TJP1: variants seen among roughly 807,000 people sequenced by gnomAD.
TJP1 encodes the protein tight junction protein 1.
Under a neutral mutation model 194.2 loss-of-function variants are expected in TJP1, and 43 were observed. The ratio of observed to expected loss-of-function variants is 0.22; its 90% CI spans 0.17 to 0.29. The LOEUF is 0.29. TJP1 is among the 10% of genes least tolerant of loss of function. The probability of loss-of-function intolerance (pLI) is 1.00; values close to 1 mark genes in which losing one functional copy is unlikely to be tolerated. For missense variants in TJP1, 1,971 were observed against 2,185.7 expected, an observed-to-expected ratio of 0.90 and a Z score of 1.96; for synonymous variants, 801 against 779.0, an observed-to-expected ratio of 1.03 and a Z score of -0.47.
intron 2 of TJP1, among the ~76,000 whole-genome samples, chr15:29,949,924 C>CCACA: frequency 2.6e-5 from 1 of 38,606 alleles, no homozygotes; most frequent in Non-Finnish European, 4.1e-5. Flanking sequence ...CCTCCACCTT[C>CCACA]ACCACCACCA....
chr15:29,805,587 G>A (rs867205631), intron 1 of TJP1, among the ~76,000 whole-genome samples: 1 of 151,992 alleles, frequency 6.6e-6, no homozygotes, highest in Non-Finnish European at 1.5e-5. Flanking sequence ...GTGTTGGGGA[G>A]GCCAAAAAAA....
chr15:29,905,910 T>A (rs2053793204), intron 2 of TJP1, among the ~76,000 whole-genome samples: 1 of 152,194 alleles, frequency 6.6e-6, no homozygotes, highest in South Asian at 2.1e-4. Context: ...GCAGTGAAAC[T>A]ACTTTATATG....
chr15:29,858,912 C>T (rs1404026594), intron 2 of TJP1, among the ~76,000 whole-genome samples: 5 of 152,176 alleles, frequency 3.3e-5, no homozygotes, highest in African/African-American at 9.6e-5. Flanking sequence ...AGGCTTGTCT[C>T]AAACTCCTGG....
intron 4 of TJP1, among the ~76,000 whole-genome samples, chr15:29,769,702 G>A (rs2046534478): frequency 6.6e-6 from 1 of 152,142 alleles, no homozygotes; most frequent in African/African-American, 2.4e-5. Flanking sequence ...GGACGCCACA[G>A]GGTCATAATG....
intron 15 of TJP1, among the ~76,000 whole-genome samples, chr15:29,729,878 C>T (rs2043505420): frequency 6.6e-6 from 1 of 151,066 alleles, no homozygotes; most frequent in South Asian, 2.1e-4. Context: ...GAACAAAATC[C>T]CCAGCACAAC....
intron 2 of TJP1, among the ~76,000 whole-genome samples, chr15:29,829,066 T>G (rs978716846): frequency 2.6e-5 from 4 of 152,220 alleles, no homozygotes; most frequent in Non-Finnish European, 5.9e-5. Flanking sequence ...TTCTAAGTCT[T>G]GGCTCTTGGC....
exon 2 of TJP1, chr15:29,956,350 G>T: frequency 7.8e-7 from 1 of 1,288,828 alleles, no homozygotes; most frequent in South Asian, 1.2e-5. Flanking sequence ...AGGATTTTCA[G>T]AGGATGGCGT....
chr15:29,867,161 C>G (rs1400981136), intron 2 of TJP1, among the ~76,000 whole-genome samples: 4 of 152,190 alleles, frequency 2.6e-5, no homozygotes, highest in African/African-American at 9.7e-5. Context: ...CTGACTGACA[C>G]AGGAACATTC....
At chr15:29,909,338 C>CA (rs11353216) in intron 2 of TJP1, among the ~76,000 whole-genome samples, 4,695 of 93,582 alleles carry the variant, frequency 0.05, 178 homozygotes, top group South Asian at 0.1. Context: ...ACTTCATCTC[C>CA]AAAAAAAAAA....
At chr15:29,769,524 C>T (rs1010635203) in intron 4 of TJP1, among the ~76,000 whole-genome samples, 1 of 152,160 alleles carries the variant, frequency 6.6e-6, no homozygotes, top group African/African-American at 2.4e-5. Flanking sequence ...GCGGACTGGA[C>T]ACTGAAATGC....
At chr15:29,748,564 C>CTTTTTTTT (rs61364565) in intron 8 of TJP1, among the ~76,000 whole-genome samples, 6 of 73,390 alleles carry the variant, frequency 8.2e-5, no homozygotes, top group Non-Finnish European at 1.2e-4. Flanking sequence ...CTTCCTAATT[C>CTTTTTTTT]TTTTTTTTTT....
intron 2 of TJP1, among the ~76,000 whole-genome samples, chr15:29,940,964 G>A (rs1353522722): frequency 6.6e-6 from 1 of 152,014 alleles, no homozygotes; most frequent in Non-Finnish European, 1.5e-5. Flanking sequence ...CACAGATGGG[G>A]GAGGAAGAGA....
At chr15:29,854,978 T>A (rs2152090448) in intron 2 of TJP1, among the ~76,000 whole-genome samples, 1 of 152,286 alleles carries the variant, frequency 6.6e-6, no homozygotes, top group East Asian at 1.9e-4. Context: ...AAATAAATAA[T>A]TCCTTTAATT....
rs373357873 is a variant in TJP1, at chr15:29,726,851, A to C, written c.2241T>G (p.Ser747=). 7.9e-4 allele frequency: 1,268 copies of C among 1,614,166 alleles called. 6 individuals carry two copies. The highest frequency in any genetic ancestry group is 2.3e-3 in the South Asian group (209 of 91,080). Residue 747 remains serine, a synonymous_variant, in exon 17 of 28, where the codon TCT becomes TCG. Transcript: ENST00000614355. ...KTMRMRLCPE[S]RKSARKLYER... ...CGTATAACTTCCTGGCACTTTTCCG[A>C]GATTCTGGACATAACCTCATTCTCA...
At chr15:29,875,893 T>C (rs1474635433) in intron 2 of TJP1, among the ~76,000 whole-genome samples, 1 of 152,194 alleles carries the variant, frequency 6.6e-6, no homozygotes, top group Non-Finnish European at 1.5e-5. Flanking sequence ...AGGAACATTG[T>C]CACCAGGCTC....
At position 29,774,908 on chromosome 15, in the gene TJP1, G is replaced by A. The variant is rs995022213; in HGVS notation, c.85-1551C>T. On this transcript the variant is annotated intron_variant, in intron 2 of 27. Transcript: ENST00000614355. ...GAACAAAAATAGACCAACTACAGTGGTTCTCCCTTATCCTCGGTTTCATGT... is the reference window on the plus strand; with the variant it reads ...GAACAAAAATAGACCAACTACAGTGATTCTCCCTTATCCTCGGTTTCATGT... 2.0e-5 allele frequency among the ~76,000 whole-genome samples: 3 copies of A among 151,638 alleles called. No individual in the cohort carries two copies. The Admixed American group carries it at 2.0e-4, about 10-fold the overall frequency.
intron 2 of TJP1, among the ~76,000 whole-genome samples, chr15:29,943,924 G>C (rs367546088): frequency 2.6e-5 from 4 of 151,828 alleles, no homozygotes; most frequent in East Asian, 3.9e-4. Context: ...CTCCAGCCTA[G>C]GTGACGGAGC....
At chr15:29,792,675 CTG>C (rs2048171283) in intron 2 of TJP1, among the ~76,000 whole-genome samples, 1 of 152,196 alleles carries the variant, frequency 6.6e-6, no homozygotes, top group Non-Finnish European at 1.5e-5. Flanking sequence ...TGCAATGAAT[CTG>C]TAAATTCCTT....
intron 1 of TJP1, among the ~76,000 whole-genome samples, 153 bp downstream of exon 1, chr15:29,821,849 C>T (rs1048819020): frequency 6.9e-6 from 1 of 145,820 alleles, no homozygotes; most frequent in African/African-American, 2.5e-5. Context: ...GGCCCGCGGC[C>T]CGCGGCCCGC....
Sources: gnomAD v4.1 joint callset for allele counts (sites outside exome capture counted in the v4.1 genomes callset) on GRCh38, gnomAD v4.1.1 for gene constraint, MANE v1.5 for transcripts, NCBI Gene and HGNC (gene_info 2026-07-23, HGNC 2026-07-21) for gene names.